The following ZMIZ2 variants were observed in gnomAD, a reference collection of about 807,000 sequenced individuals.
The protein encoded by ZMIZ2 is zinc finger MIZ domain-containing protein 2.
Under a neutral mutation model 93.9 loss-of-function variants are expected in ZMIZ2, and 26 were observed. The ratio of observed to expected loss-of-function variants is 0.28; its 90% confidence interval spans 0.20 to 0.38. The LOEUF (loss-of-function observed/expected upper bound fraction) is 0.38, where lower values mean the gene tolerates loss of function less well. Ranked by LOEUF, ZMIZ2 falls within the 10% of genes least tolerant of loss-of-function variation. The pLI is 1.00. For missense variants in ZMIZ2, 1,023 were observed against 1,235.0 expected (o/e 0.83, Z 2.57); for synonymous variants, 485 against 516.4 (o/e 0.94, Z 0.82).
rs376857992 is a variant in ZMIZ2, at chr7:44,761,519, C to T, written c.1311C>T (p.Arg437=). The change falls in exon 10 of 19, where the codon CGC becomes CGT. Residue 437 remains arginine, a synonymous_variant. Coordinates refer to ENST00000309315, the MANE Select transcript of ZMIZ2 (RefSeq NM_031449.4). This position sits in a 1 kb window ranked among gnomAD's most constrained non-coding sequence, Gnocchi z 5.8. ...ATGGGGTGGTCCTGGAGCCCTTCCG[C>T]CTGCAGCACAACCTGGCTGTAAGCA... ...VRDGVVLEPF[R]LQHNLAVSNH... The T allele has an allele frequency of 5.6e-6, 9 of 1,614,046 alleles. No individual in the cohort carries two copies. Among genetic ancestry groups the T allele is most frequent in the Non-Finnish European group, 7.6e-6 (9 of 1,180,052 alleles).
rs567025862 is a variant in ZMIZ2, at chr7:44,766,261, C to G, written c.2340C>G (p.Pro780=). The change falls in exon 17 of 19, where the codon CCC becomes CCG. Residue 780 remains proline, a synonymous_variant. Coordinates refer to ENST00000309315, the MANE Select transcript of ZMIZ2 (RefSeq NM_031449.4). This position sits in a 1 kb window ranked among gnomAD's most constrained non-coding sequence, Gnocchi z 4.4. ...TLAEFTPGPP[P]ISYQSDIPSS... is the part of the protein sequence containing the mutation. ...CTGAGTTCACCCCGGGACCACCCCC[C>G]ATCTCCTACCAGTCTGACATTCCCA... 465 of 1,600,032 alleles carry G rather than the reference C, an allele frequency of 2.9e-4. 5 individuals carry two copies. In the South Asian group the frequency reaches 3.7e-3, roughly 13 times the overall value.
At chr7:44,757,304 T>C (rs1790687453) in intron 4 of ZMIZ2, 74 bp from the exon 5 acceptor site, 1 of 1,548,134 alleles carries the variant, frequency 6.5e-7, no homozygotes. Context: ...GGGTGCTGCA[T>C]GCCTCTGGGG....
In ZMIZ2 at chr7:44,757,169, T is replaced by C; in HGVS notation, c.368+20T>C. 6.3e-7 allele frequency: 1 copy of C among 1,584,572 alleles called. No individual in the cohort carries two copies. Among genetic ancestry groups the C allele is most frequent in the Non-Finnish European group, 8.5e-7 (1 of 1,172,208 alleles). On this transcript the variant is annotated intron_variant, in intron 4 of 18. Transcript: ENST00000309315. The stretch of plus-strand genomic sequence containing the variant: ...CACCGGGTAAGCAAGTTCCCTCACC[T>C]GGCAGGTATGCTAGGAGCCATCAAT...
chr7:44,763,264 A>G lies in ZMIZ2; in HGVS notation c.1711A>G (p.Asn571Asp). The change falls in exon 13 of 19, where the codon AAC becomes GAC. Residue 571 changes from asparagine to aspartate, a missense_variant. Asn to Asp is a conservative substitution (Grantham distance 23). Around this residue, in one of 3 missense-constraint regions of ZMIZ2, gnomAD observed 656 missense variants for 777.1 expected, o/e 0.84. Coordinates refer to ENST00000309315, the MANE Select transcript of ZMIZ2 (RefSeq NM_031449.4). The surrounding 1 kb of genome is among the most constrained non-coding windows in gnomAD (Gnocchi z 5.6). ...AEHCITKIKR[N>D]FSSGTIPGTP... Reference sequence around the variant, plus strand: ...TACCTTGTTGATGTCAGTAAAGCGGAACTTCAGCAGCGGCACCATCCCTGG... The same window carrying G: ...TACCTTGTTGATGTCAGTAAAGCGGGACTTCAGCAGCGGCACCATCCCTGG... 1 of 1,613,988 alleles carries G rather than the reference A, an allele frequency of 6.2e-7. No individual in the cohort carries two copies. The highest frequency in any genetic ancestry group is 8.5e-7 in the Non-Finnish European group (1 of 1,179,964).
At chr7:44,755,654 C>T (rs993574466) in intron 1 of ZMIZ2, among the ~76,000 whole-genome samples, 6 of 152,192 alleles carry the variant, frequency 3.9e-5, no homozygotes, top group Admixed American at 2.6e-4. Context: ...CTCTCCTCCT[C>T]GGCTTTCTCA....
chr7:44,757,292 C>G (rs535697545), intron 4 of ZMIZ2, 86 bp from the exon 5 acceptor site: 2 of 1,539,972 alleles, frequency 1.3e-6, no homozygotes, highest in African/African-American at 1.4e-5. Context: ...TGGGCTCCCC[C>G]TGGGTGCTGC....
At chr7:44,759,622 GGGGGGTGGGGGGT>G (rs1190289515) in intron 7 of ZMIZ2, 162 bp downstream of exon 7, 1 of 362,390 alleles carries the variant, frequency 2.8e-6, no homozygotes, top group Non-Finnish European at 4.8e-6. Flanking sequence ...TACAGGAGAT[GGGGGGTGGGGGGT>G]GGGGGCATTC....
Position 44,765,456 on chromosome 7 carries a change from A to G in ZMIZ2, c.2119A>G (p.Ser707Gly), listed in dbSNP as rs1791609849. Residue 707 changes from serine (S) to glycine (G), a missense_variant, in exon 16 of 19, where the codon AGC (serine) becomes GGC (glycine). Physicochemically the swap from Ser to Gly is moderately conservative, Grantham distance 56. Around this residue, in one of 3 missense-constraint regions of ZMIZ2, gnomAD observed 319 missense variants for 358.8 expected, o/e 0.89. Coordinates refer to ENST00000309315, the MANE Select transcript of ZMIZ2 (RefSeq NM_031449.4). This position sits in a 1 kb window ranked among gnomAD's most constrained non-coding sequence, Gnocchi z 4.1. ...AGCACTGAAGCGCTGCCGCACCGTG[A>G]GCCCCGCCCACGTGCTCATGCCCAG... ...GPALKRCRTV[S>G]PAHVLMPSVM... 2 of 1,606,122 alleles carry G rather than the reference A, an allele frequency of 1.2e-6. No homozygotes were observed. Among genetic ancestry groups the G allele is most frequent in the Non-Finnish European group, 1.7e-6 (2 of 1,179,902 alleles).
intron 18 of ZMIZ2, 96 bp from the exon 19 acceptor site, chr7:44,767,420 T>C: frequency 2.8e-6 from 3 of 1,084,126 alleles, no homozygotes; most frequent in Non-Finnish European, 4.2e-6. Flanking sequence ...ATCCCCACTG[T>C]GCCTGGAGAC....
chr7:44,756,343 G>A (rs1235509690), intron 2 of ZMIZ2, 44 bp downstream of exon 2: 1 of 1,613,968 alleles, frequency 6.2e-7, no homozygotes, highest in South Asian at 1.1e-5. Flanking sequence ...CCTGGGGTTG[G>A]GGGTGGCATT....
rs1181257237 is a variant in ZMIZ2, at chr7:44,763,550, C to A, written c.1860+137C>A. On this transcript the variant is annotated intron_variant, in intron 13 of 18. Transcript: ENST00000309315. The surrounding 1 kb of genome is among the most constrained non-coding windows in gnomAD (Gnocchi z 5.6). The stretch of plus-strand genomic sequence containing the variant: ...AGGCTGACAGGACAGGCCTCCCACG[C>A]CAAGGAGGCAGGTGGGCCTGGCTCC... 2.5e-5 allele frequency: 32 copies of A among 1,259,386 alleles called. No individual in the cohort carries two copies. Among genetic ancestry groups the A allele is most frequent in the Non-Finnish European group, 3.2e-5 (30 of 924,018 alleles). 78.0% of individuals were successfully genotyped at this position (1,259,386 alleles called of 1,614,324 possible). A position where few individuals can be genotyped will look rare whatever the true frequency, so the allele number is the denominator to read the frequency against.
At position 44,765,083 on chromosome 7, in the gene ZMIZ2, C is replaced by G. The variant is rs1791567572; in HGVS notation, c.1997+74C>G. On this transcript the variant is annotated intron_variant, in intron 15 of 18. Transcript: ENST00000309315. This position sits in a 1 kb window ranked among gnomAD's most constrained non-coding sequence, Gnocchi z 4.1. ...AGCCCCAGGACATGTCGGGGGATGT[C>G]CCTTGCCAAGTGCAGCCTTCCAGCC... 5.0e-6 allele frequency: 8 copies of G among 1,586,364 alleles called. No homozygotes were observed. Among genetic ancestry groups the G allele is most frequent in the Non-Finnish European group, 6.9e-6 (8 of 1,157,442 alleles).
chr7:44,753,452 C>G (rs1235255152), intron 1 of ZMIZ2, among the ~76,000 whole-genome samples: 1 of 152,082 alleles, frequency 6.6e-6, no homozygotes, highest in African/African-American at 2.4e-5. Context: ...CACTCTGTTG[C>G]CCAGACTGAT....
At chr7:44,760,650 A>C in intron 9 of ZMIZ2, 57 bp downstream of exon 9, 1 of 1,599,812 alleles carries the variant, frequency 6.3e-7, no homozygotes, top group Non-Finnish European at 8.5e-7. Flanking sequence ...GGCATGGGGG[A>C]ATCACAGGAC....
chr7:44,752,135 T>C (rs1369634158), intron 1 of ZMIZ2, among the ~76,000 whole-genome samples: 1 of 137,670 alleles, frequency 7.3e-6, no homozygotes, highest in Non-Finnish European at 1.5e-5. Context: ...TTGCCTTCTA[T>C]TTTTTTTTTT....
chr7:44,761,580 AC>A lies in ZMIZ2; in HGVS notation c.1375del (p.Leu459Ter). The A allele has an allele frequency of 6.2e-7, 1 of 1,613,918 alleles. No individual in the cohort carries two copies. Among genetic ancestry groups the A allele is most frequent in the Non-Finnish European group, 8.5e-7 (1 of 1,180,002 alleles). ...CCAGCTGCGAGACTCAGTCTACAAG[AC>A]CCTGATAATGAGGTGAGCTCCGCCT... Reference protein sequence around the residue: ...VFQLRDSVYKTLIMRPDLELQ... With the variant: ...VFQLRDSVYKXLIMRPDLELQ... On this transcript the variant is annotated frameshift_variant, in exon 10 of 19. Transcript: ENST00000309315. LOFTEE classifies it high-confidence loss of function. The surrounding 1 kb of genome is among the most constrained non-coding windows in gnomAD (Gnocchi z 5.8).
Position 44,756,481 on chromosome 7 carries a change from C to A in ZMIZ2, c.107C>A (p.Ala36Asp). 1.2e-6 allele frequency: 2 copies of A among 1,614,098 alleles called. No individual in the cohort carries two copies. Among genetic ancestry groups the A allele is most frequent in the Non-Finnish European group, 1.7e-6 (2 of 1,180,034 alleles). Reference protein sequence around the residue: ...VPWQQSATQPAGSLSVVTTVW... With the variant: ...VPWQQSATQPDGSLSVVTTVW... Reference sequence around the variant, plus strand: ...TGGCAACAAAGCGCCACTCAGCCGGCTGGATCGCTGTCTGTGGTCACTACT... The same window carrying A: ...TGGCAACAAAGCGCCACTCAGCCGGATGGATCGCTGTCTGTGGTCACTACT... The change falls in exon 3 of 19, where the codon GCT (alanine) becomes GAT (aspartate). Residue 36 changes from alanine to aspartate, a missense_variant. Physicochemically the swap from Ala to Asp is moderately radical, Grantham distance 126. Coordinates refer to ENST00000309315, the MANE Select transcript of ZMIZ2 (RefSeq NM_031449.4).
At chr7:44,759,640 G>A in intron 7 of ZMIZ2, 180 bp downstream of exon 7, 1 of 368,794 alleles carries the variant, frequency 2.7e-6, no homozygotes, top group Non-Finnish European at 4.8e-6. Flanking sequence ...GGGGGTGGGG[G>A]CATTCTGACC....
At chr7:44,759,159 C>T (rs1207735291) in intron 6 of ZMIZ2, 122 bp from the exon 7 acceptor site, 1 of 835,706 alleles carries the variant, frequency 1.2e-6, no homozygotes, top group Non-Finnish European at 1.7e-6. Flanking sequence ...ACAGCAGGAT[C>T]TTCAAGGGAA....
Sources: gnomAD v4.1 joint callset for allele counts (sites outside exome capture counted in the v4.1 genomes callset) on GRCh38, gnomAD v4.1.1 for gene constraint, gnomAD v4.1.1 regional missense constraint, Gnocchi (gnomAD v3.1) non-coding constraint, MANE v1.5 for transcripts, NCBI Gene and HGNC (gene_info 2026-07-23, HGNC 2026-07-21) for gene names.